The following ADRM1 variants were observed in gnomAD, a reference collection of about 807,000 sequenced individuals.
The protein encoded by ADRM1 is ADRM1 26S proteasome ubiquitin receptor, also known as proteasomal ubiquitin receptor ADRM1.
Under a neutral mutation model 40.1 loss-of-function variants are expected in ADRM1, and 2 were observed. The observed-to-expected ratio is 0.05, with a 90% CI of 0.02 to 0.16. The LOEUF (loss-of-function observed/expected upper bound fraction) is 0.16. ADRM1 is among the 10% of genes least tolerant of loss of function. ADRM1 has a pLI of 1.00. For missense variants in ADRM1, 467 were observed against 552.5 expected, an observed-to-expected ratio of 0.85 and a Z score of 1.55; for synonymous variants, 287 against 240.4, an observed-to-expected ratio of 1.19 and a Z score of -1.79.
chr20:62,307,368 C>A lies in ADRM1; in HGVS notation c.542-3C>A, dbSNP rs1470206709. 4 of 1,599,292 alleles carry A rather than the reference C, an allele frequency of 2.5e-6. No individual in the cohort carries two copies. Among genetic ancestry groups the A allele is most frequent in the East Asian group, 2.2e-5 (1 of 44,782 alleles). ...TGAGCTCGCATTTCCTTGCCCCTCG[C>A]AGGTGGGCTGGGGGCCCTGACTGGA... On this transcript the variant is annotated splice_region_variant and splice_polypyrimidine_tract_variant and intron_variant, in intron 5 of 9. Transcript: ENST00000253003.
intron 5 of ADRM1, 115 bp from the exon 6 acceptor site, chr20:62,307,256 C>A (rs566795229): frequency 1.9e-6 from 2 of 1,067,674 alleles, no homozygotes; most frequent in Non-Finnish European, 2.7e-6. Flanking sequence ...CCCACCGCCC[C>A]GCTTCTTCCT....
chr20:62,307,981 AGGCTG>A lies in ADRM1; in HGVS notation c.857-39_857-35del. On this transcript the variant is annotated intron_variant, in intron 7 of 9. Transcript: ENST00000253003. Reference sequence around the variant, plus strand: ...TTGCATGCCTTCCATGTGGGCACTTAGGCTGTCATCGAGCTGATGGCCGTGTTCTT... The same window carrying A: ...TTGCATGCCTTCCATGTGGGCACTTATCATCGAGCTGATGGCCGTGTTCTT... 2.5e-6 allele frequency: 4 copies of A among 1,591,772 alleles called. No homozygotes were observed. In the African/African-American group the frequency reaches 5.4e-5, roughly 21 times the overall value.
rs1985370285 is a variant in ADRM1 at position 62,307,927 on chromosome 20, G to C, written c.857-94G>C. ...GCATCTGCCTAGTGTGCGCGCCTGG[G>C]GTGCTGGGGCCATGGGCTGAGTCCC... On this transcript the variant is annotated intron_variant, in intron 7 of 9. Coordinates refer to ENST00000253003, the MANE Select transcript of ADRM1 (RefSeq NM_007002.4). The C allele has an allele frequency of 2.5e-5, 38 of 1,548,472 alleles. 1 individual carries two copies. In the South Asian group the frequency reaches 3.9e-4, roughly 16 times the overall value.
At chr20:62,307,336 G>C (rs537941867) in intron 5 of ADRM1, 35 bp from the exon 6 acceptor site, 18 of 1,585,718 alleles carry the variant, frequency 1.1e-5, no homozygotes, top group Non-Finnish European at 1.5e-5. Flanking sequence ...TGGGCTAGAG[G>C]GCATCCTGAG....
In ADRM1 at chr20:62,307,786, G is replaced by T. The variant is rs1202290473; in HGVS notation, c.814G>T (p.Ala272Ser). The change falls in exon 7 of 10, where the codon GCC (alanine) becomes TCC (serine). Residue 272 changes from alanine to serine, a missense_variant. Ala to Ser is a moderately conservative substitution (Grantham distance 99). Coordinates refer to ENST00000253003, the MANE Select transcript of ADRM1 (RefSeq NM_007002.4). ...GCTGAGCGACCTCCAGAGCATCCTG[G>T]CCACGATGAACGTACCAGCCGGGCC... Reference protein sequence around the residue: ...IQLSDLQSILATMNVPAGPAG... With the variant: ...IQLSDLQSILSTMNVPAGPAG... 1.2e-6 allele frequency: 2 copies of T among 1,610,996 alleles called. No homozygotes were observed. The highest frequency in any genetic ancestry group is 2.7e-5 in the African/African-American group (2 of 74,908).
intron 1 of ADRM1, chr20:62,303,324 G>A: frequency 2.8e-6 from 1 of 357,972 alleles, no homozygotes; most frequent in Admixed American, 4.7e-5. Context: ...GCCCCGCGGA[G>A]ACGGCGTCAA....
In ADRM1 at chr20:62,307,640, C is replaced by T. The variant is rs1985276320; in HGVS notation, c.668C>T (p.Ser223Phe). The T allele has an allele frequency of 1.9e-6, 3 of 1,612,018 alleles. No individual in the cohort carries two copies. In the East Asian group the frequency reaches 6.7e-5, roughly 36 times the overall value. The change falls in exon 7 of 10, where the codon TCT becomes TTT. Residue 223 changes from serine (S) to phenylalanine (F), a missense_variant. Ser to Phe is a radical substitution (Grantham distance 155). Around this residue, in one of 3 missense-constraint regions of ADRM1, gnomAD observed 418 missense variants for 474.6 expected, o/e 0.88. Coordinates refer to ENST00000253003, the MANE Select transcript of ADRM1 (RefSeq NM_007002.4). ...SAAVTPSSTT[S>F]STRATPAPSA... Reference sequence around the variant, plus strand: ...GCGGTCACCCCGTCATCCACCACCTCTTCCACCCGTGCCACCCCAGCCCCT... The same window carrying T: ...GCGGTCACCCCGTCATCCACCACCTTTTCCACCCGTGCCACCCCAGCCCCT...
chr20:62,306,292 C>T lies in ADRM1; in HGVS notation c.426C>T (p.Ser142=). The T allele has an allele frequency of 4.3e-6, 7 of 1,612,882 alleles. No homozygotes were observed. The highest frequency in any genetic ancestry group is 5.9e-6 in the Non-Finnish European group (7 of 1,179,860). Residue 142 remains serine (S), a synonymous_variant, in exon 4 of 10, where the codon AGC becomes AGT. Coordinates refer to ENST00000253003, the MANE Select transcript of ADRM1 (RefSeq NM_007002.4). ...CTGGGGCGCTGGGGGCCAGCGGAAG[C>T]AGCGGCCACGAACTCTCTGCGCTAG... ...PMPGALGASG[S]SGHELSALGG... is the part of the protein sequence containing the mutation.
At chr20:62,306,916 G>A (rs1021685903) in intron 5 of ADRM1, among the ~76,000 whole-genome samples, 182 bp downstream of exon 5, 8 of 152,214 alleles carry the variant, frequency 5.3e-5, no homozygotes, top group Non-Finnish European at 8.8e-5. Flanking sequence ...GGTAGGCGAG[G>A]GCTTCTGGGC....
Position 62,303,586 on chromosome 20 carries a change from G to C in ADRM1, c.18G>C (p.Ala6=). Residue 6 remains alanine (A), a synonymous_variant, in exon 2 of 10, where the codon GCG becomes GCC. Transcript: ENST00000253003. The part of the protein sequence containing the change: MTTSG[A]LFPSLVPGSR... ...CTTTCAGGATGACGACCTCAGGCGCGCTCTTTCCAAGCCTGGTGCCAGGCT... is the reference window on the plus strand; with the variant it reads ...CTTTCAGGATGACGACCTCAGGCGCCCTCTTTCCAAGCCTGGTGCCAGGCT... 1 of 1,585,104 alleles carries C rather than the reference G, an allele frequency of 6.3e-7. No homozygotes were observed.
Position 62,307,406 on chromosome 20 carries a change from A to G in ADRM1, c.577A>G (p.Ser193Gly), listed in dbSNP as rs1985197361. 1.2e-6 allele frequency: 2 copies of G among 1,604,504 alleles called. No homozygotes were observed. Among genetic ancestry groups the G allele is most frequent in the Admixed American group, 3.5e-5 (2 of 57,300 alleles). Residue 193 changes from serine (S) to glycine (G), a missense_variant, in exon 6 of 10, where the codon AGC becomes GGC. By Grantham distance (56) the Ser-to-Gly change is moderately conservative. Coordinates refer to ENST00000253003, the MANE Select transcript of ADRM1 (RefSeq NM_007002.4). Reference protein sequence around the residue: ...LGALTGPGLASLLGSSGPPGS... With the variant: ...LGALTGPGLAGLLGSSGPPGS... ...GGCCCTGACTGGACCTGGCCTGGCCAGCTTACTGGGGAGCAGTGGGCCTCC... is the reference window on the plus strand; with the variant it reads ...GGCCCTGACTGGACCTGGCCTGGCCGGCTTACTGGGGAGCAGTGGGCCTCC...
intron 2 of ADRM1, chr20:62,304,018 G>A: frequency 1.8e-6 from 1 of 561,080 alleles, no homozygotes; most frequent in African/African-American, 1.9e-5. Flanking sequence ...TGGAGAGCCC[G>A]GAGCTCTGTG....
Position 62,307,469 on chromosome 20 carries a change from CTGCCACGCAGG to C in ADRM1, c.623+25_623+35del, listed in dbSNP as rs1568874349. 1.9e-6 allele frequency: 3 copies of C among 1,607,256 alleles called. No homozygotes were observed. The highest frequency in any genetic ancestry group is 4.5e-5 in the East Asian group (2 of 44,862). On this transcript the variant is annotated intron_variant, in intron 6 of 9. Transcript: ENST00000253003. ...CTCCTCCAGGTGAGCCTCATCGCTC[CTGCCACGCAGG>C]TGCCACGGTGTTAAGGGAGGGGCAG...
chr20:62,306,093 C>T (rs1984910506), intron 3 of ADRM1, 104 bp from the exon 4 acceptor site: 4 of 1,494,450 alleles, frequency 2.7e-6, no homozygotes, highest in Non-Finnish European at 3.6e-6. Flanking sequence ...ACACGCGCCT[C>T]TGCGTCTCAG....
intron 1 of ADRM1, chr20:62,303,362 C>A (rs952403007): frequency 2.0e-6 from 1 of 512,330 alleles, no homozygotes; most frequent in East Asian, 3.4e-5. Flanking sequence ...CTAGGCTTGG[C>A]GGGGCTGCCC....
chr20:62,305,806 G>A (rs1984847835), intron 3 of ADRM1: 1 of 230,310 alleles, frequency 4.3e-6, no homozygotes, highest in South Asian at 6.5e-5. Context: ...TGTGCTGAGC[G>A]GGCCAGTTCG....
rs577282789 is a variant in ADRM1 at position 62,307,891 on chromosome 20, C to CA, written c.856+64dup. Reference sequence around the variant, plus strand: ...TGGGGCCTGCTGACCCTCGCACGCTCACCTTCCAAGGCATCTGCCTAGTGT... The same window carrying CA: ...TGGGGCCTGCTGACCCTCGCACGCTCAACCTTCCAAGGCATCTGCCTAGTGT... On this transcript the variant is annotated intron_variant, in intron 7 of 9. Transcript: ENST00000253003. 1.7e-4 allele frequency: 257 copies of CA among 1,555,592 alleles called. 1 individual carries two copies. The East Asian group carries it at 4.8e-3, about 29-fold the overall frequency.
chr20:62,307,951 C>T, intron 7 of ADRM1, 70 bp from the exon 8 acceptor site: 1 of 1,565,988 alleles, frequency 6.4e-7, no homozygotes, highest in South Asian at 1.2e-5. Flanking sequence ...GGGCTGAGTC[C>T]CTGCTTGCAT....
chr20:62,306,076 G>A, intron 3 of ADRM1, 121 bp from the exon 4 acceptor site: 1 of 1,371,380 alleles, frequency 7.3e-7, no homozygotes, highest in Non-Finnish European at 9.8e-7. Flanking sequence ...GCATTGTGTG[G>A]CCAGGCACAC....
Sources: allele counts gnomAD v4.1 joint callset (sites outside exome capture counted in the v4.1 genomes callset), GRCh38; gene constraint gnomAD v4.1.1; regional missense constraint gnomAD v4.1.1; transcripts MANE v1.5; gene names NCBI Gene and HGNC (gene_info 2026-07-23, HGNC 2026-07-21).